DOK6: variants seen among roughly 807,000 people sequenced by gnomAD.
DOK6 encodes the protein docking protein 6.
In DOK6, 22 loss-of-function variants were observed where a neutral mutation model predicts 44.0. The ratio of observed to expected loss-of-function variants is 0.50; its 90% CI spans 0.36 to 0.71. DOK6 has a LOEUF of 0.71. Among genes scored for constraint, DOK6 ranks in the 30% least tolerant of loss-of-function variants. The probability of loss-of-function intolerance (pLI) is 0.00; values close to 1 mark genes in which losing one functional copy is unlikely to be tolerated. For missense variants in DOK6, 340 were observed against 416.4 expected, an observed-to-expected ratio of 0.82 and a Z score of 1.60; for synonymous variants, 166 against 145.5, an observed-to-expected ratio of 1.14 and a Z score of -1.01.
intron 1 of DOK6, among the ~76,000 whole-genome samples, chr18:69,542,199 A>C (rs1442661): frequency 0.11 from 16,263 of 151,512 alleles, 2,950 homozygotes; most frequent in African/African-American, 0.37. Context: ...GAAGAGAAGG[A>C]TTAAATAGGA....
intron 1 of DOK6, among the ~76,000 whole-genome samples, chr18:69,562,537 C>G (rs1982860967): frequency 6.6e-6 from 1 of 152,118 alleles, no homozygotes; most frequent in African/African-American, 2.4e-5. Flanking sequence ...TTGACAAAAA[C>G]AAGCAACGAG....
intron 7 of DOK6, among the ~76,000 whole-genome samples, chr18:69,800,945 C>T: frequency 6.6e-6 from 1 of 151,926 alleles, no homozygotes; most frequent in East Asian, 1.9e-4. Context: ...AATGCATAGC[C>T]ACCAAAGAAA....
At chr18:69,803,080 G>A (rs897466716) in intron 7 of DOK6, among the ~76,000 whole-genome samples, 1 of 151,924 alleles carries the variant, frequency 6.6e-6, no homozygotes, top group Non-Finnish European at 1.5e-5. Context: ...AAATTTGTTT[G>A]ATTTTATGAT....
chr18:69,834,343 G>A (rs1360527723), intron 7 of DOK6, among the ~76,000 whole-genome samples: 1 of 152,168 alleles, frequency 6.6e-6, no homozygotes, highest in Non-Finnish European at 1.5e-5. Flanking sequence ...CCTGGAGATA[G>A]AGAGTAGAAC....
intron 3 of DOK6, among the ~76,000 whole-genome samples, chr18:69,612,455 G>GAGGGCGCATGTGTGCT: frequency 6.8e-6 from 1 of 146,480 alleles, no homozygotes; most frequent in Admixed American, 6.7e-5. Context: ...GCATGTGTGC[G>GAGGGCGCATGTGTGCT]AGCGTGCATA....
intron 1 of DOK6, among the ~76,000 whole-genome samples, chr18:69,435,025 G>GGGAAGGAAGGAA (rs71176965): frequency 2.9e-4 from 21 of 72,326 alleles, no homozygotes; most frequent in African/African-American, 1.0e-3. Context: ...TAGGGAGGGA[G>GGGAAGGAAGGAA]GGAAGGAAGG....
chr18:69,779,514 T>G (rs979476622), intron 7 of DOK6, among the ~76,000 whole-genome samples: 3 of 152,048 alleles, frequency 2.0e-5, no homozygotes, highest in Non-Finnish European at 4.4e-5. Flanking sequence ...TCAGTGTTGT[T>G]ATGCTTGCTA....
intron 2 of DOK6, among the ~76,000 whole-genome samples, chr18:69,565,133 C>T (rs999382955): frequency 1.3e-5 from 2 of 152,096 alleles, no homozygotes; most frequent in African/African-American, 4.8e-5. Flanking sequence ...CAAAATGACG[C>T]TAAATATATC....
intron 1 of DOK6, among the ~76,000 whole-genome samples, chr18:69,459,129 A>G (rs1979715356): frequency 7.7e-6 from 1 of 130,178 alleles, no homozygotes; most frequent in Non-Finnish European, 1.6e-5. Context: ...GAAGGAAGGA[A>G]GCAGAAATAC....
chr18:69,434,130 G>A (rs924980033), intron 1 of DOK6, among the ~76,000 whole-genome samples: 2 of 152,184 alleles, frequency 1.3e-5, no homozygotes, highest in East Asian at 1.9e-4. Context: ...TGAAAGCAAT[G>A]AAAGTGTCTG....
rs554018997 is a variant in DOK6 at position 69,595,012 on chromosome 18, C to A, written c.175-4372C>A. Among the ~76,000 whole-genome samples, 55 of 151,976 alleles carry A rather than the reference C, an allele frequency of 3.6e-4. 1 individual carries two copies. The highest frequency in any genetic ancestry group is 6.3e-4 in the Non-Finnish European group (43 of 67,946). ...CAAGAAGGCAGTCTCATTTACAATA[C>A]CTCAAAAAATAAAATAAAATATCTA... is the stretch of plus-strand genomic sequence containing the variant. On this transcript the variant is annotated intron_variant, in intron 2 of 7. Coordinates refer to ENST00000382713, the MANE Select transcript of DOK6 (RefSeq NM_152721.6).
At chr18:69,836,612 A>G (rs1409367459) in intron 7 of DOK6, among the ~76,000 whole-genome samples, 1 of 152,246 alleles carries the variant, frequency 6.6e-6, no homozygotes, top group Non-Finnish European at 1.5e-5. Flanking sequence ...AAATAAACCA[A>G]TAACCATTAA....
intron 5 of DOK6, among the ~76,000 whole-genome samples, chr18:69,730,733 ATTCT>A (rs1452416844): frequency 6.6e-6 from 1 of 152,198 alleles, no homozygotes; most frequent in East Asian, 1.9e-4. Context: ...TGCATTTGAA[ATTCT>A]TTAATGTTTA....
chr18:69,485,298 T>C (rs1192204364), intron 1 of DOK6, among the ~76,000 whole-genome samples: 1 of 152,188 alleles, frequency 6.6e-6, no homozygotes, highest in Non-Finnish European at 1.5e-5. Flanking sequence ...TTAGATGTGT[T>C]GGATCTATTA....
chr18:69,809,008 C>A (rs759723768), intron 7 of DOK6, among the ~76,000 whole-genome samples: 6 of 151,772 alleles, frequency 4.0e-5, no homozygotes, highest in Non-Finnish European at 8.9e-5. Context: ...AAGCCCTTAT[C>A]TTTGATAAAC....
intron 6 of DOK6, among the ~76,000 whole-genome samples, chr18:69,742,969 T>G (rs531815169): frequency 6.6e-6 from 1 of 152,092 alleles, no homozygotes; most frequent in South Asian, 2.1e-4. Context: ...ATCTCTGTAT[T>G]AGAAGATGAC....
chr18:69,534,169 T>G (rs1437117560), intron 1 of DOK6, among the ~76,000 whole-genome samples: 1 of 152,184 alleles, frequency 6.6e-6, no homozygotes, highest in African/African-American at 2.4e-5. Context: ...CCACTGCTAT[T>G]AAGTGGCAGT....
At chr18:69,708,322 G>A (rs912896420) in intron 5 of DOK6, among the ~76,000 whole-genome samples, 1 of 152,172 alleles carries the variant, frequency 6.6e-6, no homozygotes, top group African/African-American at 2.4e-5. Context: ...TGACATGGGA[G>A]AATGAATCAG....
intron 5 of DOK6, among the ~76,000 whole-genome samples, chr18:69,735,925 A>G (rs1978590383): frequency 6.6e-6 from 1 of 152,214 alleles, no homozygotes; most frequent in African/African-American, 2.4e-5. Context: ...CCTGCCCACT[A>G]TCACATATAT....
Sources: allele counts gnomAD v4.1 joint callset (sites outside exome capture counted in the v4.1 genomes callset), GRCh38; gene constraint gnomAD v4.1.1; transcripts MANE v1.5; gene names NCBI Gene and HGNC (gene_info 2026-07-23, HGNC 2026-07-21).